Variants in TDRD5 observed in about 807,000 individuals in gnomAD.
The protein encoded by TDRD5 is tudor domain-containing protein 5.
Under a neutral mutation model 120.6 loss-of-function variants are expected in TDRD5, and 41 were observed. That is an observed-to-expected ratio of 0.34 (90% CI 0.26 to 0.44). The LOEUF is 0.44. Ranked by LOEUF, TDRD5 falls within the 20% of genes least tolerant of loss-of-function variation. The pLI is 1.00. For missense variants in TDRD5, 1,006 were observed against 1,221.2 expected (o/e 0.82, Z 2.63); for synonymous variants, 430 against 433.7 (o/e 0.99, Z 0.11).
chr1:179,630,324 TAAAC>T (rs1465333301), intron 6 of TDRD5, among the ~76,000 whole-genome samples: 3 of 152,200 alleles, frequency 2.0e-5, no homozygotes, highest in African/African-American at 7.2e-5. Context: ...GGTGAAATAA[TAAAC>T]AAAATTTAAG....
intron 11 of TDRD5, among the ~76,000 whole-genome samples, 187 bp downstream of exon 11, chr1:179,640,632 G>A (rs1246547364): frequency 6.6e-6 from 1 of 152,182 alleles, no homozygotes; most frequent in Non-Finnish European, 1.5e-5. Context: ...TGCTATAGGA[G>A]AGGTTTCAAG....
Position 179,669,415 on chromosome 1 carries a change from G to C in TDRD5, c.2860+11G>C. ...AGCCCTCTGGTTCTGGTATGTTTGT[G>C]TGTACTTGTGCATGCTCACAGTTGA... On this transcript the variant is annotated intron_variant, in intron 17 of 17. Coordinates refer to ENST00000444136, the MANE Select transcript of TDRD5 (RefSeq NM_001199085.3). 6.2e-7 allele frequency: 1 copy of C among 1,613,454 alleles called. No homozygotes were observed. The highest frequency in any genetic ancestry group is 8.5e-7 in the Non-Finnish European group (1 of 1,179,702).
intron 17 of TDRD5, among the ~76,000 whole-genome samples, chr1:179,670,364 C>T (rs1679797611): frequency 6.6e-6 from 1 of 151,634 alleles, no homozygotes; most frequent in Admixed American, 6.6e-5. Flanking sequence ...TACACTCCAG[C>T]CTGGGTGACA....
intron 11 of TDRD5, among the ~76,000 whole-genome samples, chr1:179,648,459 GGGGA>G (rs1678523665): frequency 1.2e-5 from 1 of 84,324 alleles, no homozygotes; most frequent in Non-Finnish European, 2.5e-5. Context: ...GGGTGGGGGG[GGGGA>G]GGGATAGCAT....
intron 4 of TDRD5, among the ~76,000 whole-genome samples, chr1:179,604,573 C>T (rs544297773): frequency 9.9e-5 from 15 of 151,954 alleles, no homozygotes; most frequent in African/African-American, 3.4e-4. Flanking sequence ...TTTGATAGAC[C>T]GTGTCATTAT....
chr1:179,672,265 T>A (rs1679897136), intron 17 of TDRD5, among the ~76,000 whole-genome samples: 1 of 152,060 alleles, frequency 6.6e-6, no homozygotes, highest in Non-Finnish European at 1.5e-5. Context: ...ACCGCATGCA[T>A]GCCAACATCT....
At chr1:179,623,034 T>C (rs1676920076) in intron 6 of TDRD5, among the ~76,000 whole-genome samples, 1 of 152,158 alleles carries the variant, frequency 6.6e-6, no homozygotes, top group African/African-American at 2.4e-5. Context: ...AGAACAGTGA[T>C]ACAAATGATG....
At chr1:179,595,521 T>TAAG in intron 3 of TDRD5, 107 bp from the exon 4 acceptor site, 1 of 946,564 alleles carries the variant, frequency 1.1e-6, no homozygotes, top group South Asian at 2.3e-5. Context: ...TTTTTGCTTC[T>TAAG]AAGTTGAAGG....
intron 14 of TDRD5, among the ~76,000 whole-genome samples, chr1:179,660,211 GTTTTTTTTTTTT>G (rs34435630): frequency 1.7e-5 from 1 of 58,172 alleles, no homozygotes. Flanking sequence ...ATCTACTATG[GTTTTTTTTTTTT>G]TTTTTTTTTT....
chr1:179,617,316 A>G (rs1199336307), intron 4 of TDRD5, among the ~76,000 whole-genome samples: 1 of 152,164 alleles, frequency 6.6e-6, no homozygotes, highest in Non-Finnish European at 1.5e-5. Flanking sequence ...CTGCCATGTA[A>G]GCGCTGCTTG....
At chr1:179,689,453 A>G (rs980527337) in intron 17 of TDRD5, among the ~76,000 whole-genome samples, 13 of 151,678 alleles carry the variant, frequency 8.6e-5, no homozygotes, top group East Asian at 1.9e-4. Flanking sequence ...TGAGGTGTCA[A>G]TTGGCCCCTA....
chr1:179,641,096 T>A (rs973059848), intron 11 of TDRD5, among the ~76,000 whole-genome samples: 1 of 147,284 alleles, frequency 6.8e-6, no homozygotes, highest in Non-Finnish European at 1.5e-5. Context: ...TTATTTTATG[T>A]ACCTAACTTT....
At chr1:179,593,930 T>G in intron 3 of TDRD5, 63 bp downstream of exon 3, 2 of 1,540,890 alleles carry the variant, frequency 1.3e-6, no homozygotes, top group Non-Finnish European at 1.7e-6. Context: ...ATCACTAAGG[T>G]CTATGAGTTC....
intron 14 of TDRD5, 93 bp from the exon 15 acceptor site, chr1:179,662,011 C>A: frequency 8.4e-7 from 1 of 1,192,566 alleles, no homozygotes; most frequent in Non-Finnish European, 1.1e-6. Flanking sequence ...TCATCTTTAC[C>A]TGGAGTCAGG....
At chr1:179,607,268 A>C (rs1335320596) in intron 4 of TDRD5, among the ~76,000 whole-genome samples, 2 of 152,128 alleles carry the variant, frequency 1.3e-5, no homozygotes, top group Non-Finnish European at 2.9e-5. Flanking sequence ...ACTTTTGTAC[A>C]TTAACCTTGC....
Position 179,669,201 on chromosome 1 carries a change from A to T in TDRD5, c.2657A>T (p.Asp886Val). The T allele has an allele frequency of 6.2e-7, 1 of 1,613,318 alleles. No individual in the cohort carries two copies. The highest frequency in any genetic ancestry group is 1.1e-5 in the South Asian group (1 of 90,880). Reference sequence around the variant, plus strand: ...ATTTTTCCCATTCTGCAGCAACTAGACATAAATGGTTCTTCAGATTCTTCC... The same window carrying T: ...ATTTTTCCCATTCTGCAGCAACTAGTCATAAATGGTTCTTCAGATTCTTCC... Reference protein sequence around the residue: ...TGTNRTQKQLDINGSSDSSTL... With the variant: ...TGTNRTQKQLVINGSSDSSTL... Residue 886 changes from aspartate (D) to valine (V), a missense_variant, in exon 17 of 18, where the codon GAC (aspartate) becomes GTC (valine). Asp to Val is a radical substitution (Grantham distance 152). Coordinates refer to ENST00000444136, the MANE Select transcript of TDRD5 (RefSeq NM_001199085.3).
At chr1:179,615,884 A>G (rs1460089483) in intron 4 of TDRD5, among the ~76,000 whole-genome samples, 1 of 152,006 alleles carries the variant, frequency 6.6e-6, no homozygotes, top group Non-Finnish European at 1.5e-5. Flanking sequence ...AACAGATTAC[A>G]TAGTAAATAT....
intron 17 of TDRD5, among the ~76,000 whole-genome samples, chr1:179,687,529 A>G (rs566828218): frequency 1.3e-5 from 2 of 152,210 alleles, no homozygotes; most frequent in East Asian, 1.9e-4. Flanking sequence ...GTTGATTTGG[A>G]GTGGAGAGTT....
At chr1:179,611,530 CTTTTCAGTATTTAAAGTTCTTA>C (rs1676273204) in intron 4 of TDRD5, among the ~76,000 whole-genome samples, 1 of 152,082 alleles carries the variant, frequency 6.6e-6, no homozygotes, top group Non-Finnish European at 1.5e-5. Flanking sequence ...TTGCTGTGCC[CTTTTCAGTATTTAAAGTTCTTA>C]TTTCCATTTT....
Sources: allele counts gnomAD v4.1 joint callset (sites outside exome capture counted in the v4.1 genomes callset), GRCh38; gene constraint gnomAD v4.1.1; transcripts MANE v1.5; gene names NCBI Gene and HGNC (gene_info 2026-07-23, HGNC 2026-07-21).